Variants in SERPINB5 observed in about 807,000 individuals in gnomAD.
The protein encoded by SERPINB5 is serpin family B member 5.
A neutral mutation model predicts 32.2 loss-of-function variants in SERPINB5; 27 were observed. The observed-to-expected ratio is 0.84, with a 90% CI of 0.62 to 1.16. The LOEUF (loss-of-function observed/expected upper bound fraction) is 1.16, where lower values mean the gene tolerates loss of function less well. Ranked by LOEUF, SERPINB5 falls within the 50% of genes most tolerant of loss-of-function variation. SERPINB5 has a pLI of 0.00. For missense variants in SERPINB5, 388 were observed against 436.3 expected (o/e 0.89, Z 0.99); for synonymous variants, 154 against 157.4 (o/e 0.98, Z 0.16).
chr18:63,492,398 A>C (rs540872886), intron 4 of SERPINB5, among the ~76,000 whole-genome samples: 64 of 152,324 alleles, frequency 4.2e-4, no homozygotes, highest in African/African-American at 1.5e-3. Context: ...AGTTTACTGC[A>C]CTGTAAAATG....
At chr18:63,495,916 C>T (rs1909436940) in intron 5 of SERPINB5, among the ~76,000 whole-genome samples, 1 of 152,056 alleles carries the variant, frequency 6.6e-6, no homozygotes, top group African/African-American at 2.4e-5. Context: ...CTTTGTCCAC[C>T]CTAGAACTTT....
intron 5 of SERPINB5, among the ~76,000 whole-genome samples, chr18:63,495,836 C>T (rs1509477): frequency 0.52 from 78,814 of 152,062 alleles, 21,588 homozygotes; most frequent in Non-Finnish European, 0.62. Flanking sequence ...ATGCTATTCA[C>T]AGCTGCATGA....
Position 63,487,012 on chromosome 18 carries a change from A to G in SERPINB5, c.235A>G (p.Lys79Glu). 6.2e-7 allele frequency: 1 copy of G among 1,614,166 alleles called. No homozygotes were observed. The highest frequency in any genetic ancestry group is 1.3e-5 in the African/African-American group (1 of 75,072). The change falls in exon 3 of 7, where the codon AAA becomes GAA. Residue 79 changes from lysine to glutamate, a missense_variant. By Grantham distance (56) the Lys-to-Glu change is moderately conservative (BLOSUM62 1). Transcript: ENST00000382771. ...GFQTVTSDVN[K>E]LSSFYSLKLI... The stretch of plus-strand genomic sequence containing the variant: ...TCAAACAGTAACATCGGATGTAAAC[A>G]AACTTAGTTCCTTTTACTCACTGAA...
rs762655973 is a variant in SERPINB5 at position 63,503,440 on chromosome 18, T to C, written c.846T>C (p.Ile282=). 14 of 1,614,266 alleles carry C rather than the reference T, an allele frequency of 8.7e-6. No individual in the cohort carries two copies. The highest frequency in any genetic ancestry group is 1.2e-5 in the Non-Finnish European group (14 of 1,180,042). The stretch of plus-strand genomic sequence containing the variant: ...CAAAATTTAAGGTGGAAAAGATGAT[T>C]GATCCCAAGGCTTGTCTGGAAAATC... ...SIPKFKVEKM[I]DPKACLENLG... is the part of the protein sequence containing the mutation. The change falls in exon 7 of 7, where the codon ATT becomes ATC. Residue 282 remains isoleucine (I), a synonymous_variant. Transcript: ENST00000382771.
intron 1 of SERPINB5, among the ~76,000 whole-genome samples, chr18:63,481,486 G>A (rs570284077): frequency 6.6e-6 from 1 of 152,344 alleles, no homozygotes; most frequent in East Asian, 1.9e-4. Context: ...GTTTGTTAAA[G>A]CAGTTTGTGT....
At chr18:63,484,725 C>A in intron 2 of SERPINB5, 129 bp downstream of exon 2, 1 of 405,034 alleles carries the variant, frequency 2.5e-6, no homozygotes, top group South Asian at 3.9e-5. Flanking sequence ...CTGTGCCATT[C>A]CAGGACTCTC....
rs1599393689 is a variant in SERPINB5, at chr18:63,498,722, C to T, written c.568-398C>T. On this transcript the variant is annotated intron_variant, in intron 5 of 6. Transcript: ENST00000382771. The surrounding 1 kb of genome is among the most constrained non-coding windows in gnomAD (Gnocchi z 4.2). ...ATGATGAATTATAAGCCATAATAAT[C>T]TGACACTGTGTCAAGAGCAAATTTG... Among the ~76,000 whole-genome samples the T allele has an allele frequency of 6.6e-6, 1 of 151,518 alleles. No homozygotes were observed. Among genetic ancestry groups the T allele is most frequent in the East Asian group, 1.9e-4 (1 of 5,182 alleles).
intron 1 of SERPINB5, chr18:63,477,283 A>C (rs1347472390): frequency 6.6e-6 from 1 of 152,068 alleles, no homozygotes; most frequent in African/African-American, 2.4e-5. Context: ...AAATCACTTA[A>C]CCATACAAGG....
chr18:63,497,185 G>A (rs1219780489), intron 5 of SERPINB5: 14 of 673,762 alleles, frequency 2.1e-5, no homozygotes, highest in Middle Eastern at 4.2e-4. Flanking sequence ...CATTGACACC[G>A]CAGCCAAGTT....
intron 2 of SERPINB5, 143 bp downstream of exon 2, chr18:63,484,739 A>AAATTTTTT: frequency 6.9e-6 from 1 of 144,446 alleles, no homozygotes; most frequent in Middle Eastern, 2.0e-3. Context: ...GACTCTCTTA[A>AAATTTTTT]TCTTTTTTTT....
Position 63,493,107 on chromosome 18 carries a change from A to C in SERPINB5, c.567+12A>C. 2.5e-6 allele frequency: 4 copies of C among 1,614,174 alleles called. No individual in the cohort carries two copies. The highest frequency in any genetic ancestry group is 3.4e-6 in the Non-Finnish European group (4 of 1,180,020). ...TCAGAGTCAACAAGGTATGTGGGGCAGCATGTAGCAGTAAAAGGAGCCCAA... is the reference window on the plus strand; with the variant it reads ...TCAGAGTCAACAAGGTATGTGGGGCCGCATGTAGCAGTAAAAGGAGCCCAA... On this transcript the variant is annotated intron_variant, in intron 5 of 6. Transcript: ENST00000382771.
chr18:63,499,291 A>C lies in SERPINB5; in HGVS notation c.735+4A>C, dbSNP rs770245762. 6 of 1,548,668 alleles carry C rather than the reference A, an allele frequency of 3.9e-6. No individual in the cohort carries two copies. In the South Asian group the frequency reaches 7.4e-5, roughly 19 times the overall value. On this transcript the variant is annotated splice_donor_region_variant and intron_variant, in intron 6 of 6. Coordinates refer to ENST00000382771, the MANE Select transcript of SERPINB5 (RefSeq NM_002639.5). ...TGAGTCCACAGGCTTGGAGAAGGTA[A>C]GGAGAAGGCAGGTGCTCTCCACAAA...
chr18:63,477,126 G>A (rs1917048747), intron 1 of SERPINB5, 81 bp downstream of exon 1: 1 of 152,140 alleles, frequency 6.6e-6, no homozygotes. Flanking sequence ...GCTGATTTGA[G>A]ATGGTGAACA....
chr18:63,492,023 A>C (rs1909351934), intron 4 of SERPINB5, among the ~76,000 whole-genome samples: 1 of 152,214 alleles, frequency 6.6e-6, no homozygotes, highest in Admixed American at 6.5e-5. Flanking sequence ...CATTAAACCA[A>C]GTGCAGGGTC....
At chr18:63,486,795 C>T (rs1031714505) in intron 2 of SERPINB5, 151 bp from the exon 3 acceptor site, 1 of 704,880 alleles carries the variant, frequency 1.4e-6, no homozygotes, top group Middle Eastern at 2.5e-4. Flanking sequence ...GCCTGAATGT[C>T]AATAGTGCTG....
intron 4 of SERPINB5, 45 bp downstream of exon 4, chr18:63,489,509 G>A (rs1194025416): frequency 4.7e-6 from 5 of 1,072,358 alleles, no homozygotes; most frequent in Admixed American, 4.0e-5. Flanking sequence ...CAAGTAAACA[G>A]GGCCTTCCAT....
At chr18:63,484,710 C>A in intron 2 of SERPINB5, 114 bp downstream of exon 2, 17 of 521,600 alleles carry the variant, frequency 3.3e-5, no homozygotes, top group Non-Finnish European at 4.8e-5. Context: ...GGTCAAGATT[C>A]AGAACTGTGC....
At chr18:63,501,349 C>T (rs1441283200) in intron 6 of SERPINB5, among the ~76,000 whole-genome samples, 1 of 151,954 alleles carries the variant, frequency 6.6e-6, no homozygotes, top group Non-Finnish European at 1.5e-5. Flanking sequence ...CAGCTTCATC[C>T]GTGTCCCTAC....
In SERPINB5 at chr18:63,499,151, T is replaced by G; in HGVS notation, c.599T>G (p.Met200Arg). 6.3e-7 allele frequency: 1 copy of G among 1,577,328 alleles called. No individual in the cohort carries two copies. Residue 200 changes from methionine to arginine, a missense_variant, in exon 6 of 7, where the codon ATG becomes AGG. Transcript: ENST00000382771. ...TDTKPVQMMNMEATFCMGNID... is the reference protein window; with the variant it reads ...TDTKPVQMMNREATFCMGNID... ...ACCAAACCAGTGCAGATGATGAACA[T>G]GGAGGCCACGTTCTGTATGGGAAAC...
Sources: gnomAD v4.1 joint callset for allele counts (sites outside exome capture counted in the v4.1 genomes callset) on GRCh38, gnomAD v4.1.1 for gene constraint, Gnocchi (gnomAD v3.1) non-coding constraint, MANE v1.5 for transcripts, NCBI Gene and HGNC (gene_info 2026-07-23, HGNC 2026-07-21) for gene names.